DNAJC12: variants seen among roughly 807,000 people sequenced by gnomAD.
DNAJC12 encodes the protein dnaJ homolog subfamily C member 12.
In DNAJC12, 25 loss-of-function variants were observed where a neutral mutation model predicts 28.5. The observed-to-expected ratio is 0.88, with a 90% confidence interval of 0.64 to 1.22. The LOEUF (loss-of-function observed/expected upper bound fraction) is 1.22. Ranked by LOEUF, DNAJC12 falls within the 50% of genes most tolerant of loss-of-function variation. DNAJC12 has a pLI of 0.00. For synonymous variants in DNAJC12, 77 were observed against 80.6 expected, an observed-to-expected ratio of 0.95 and a Z score of 0.24; for missense variants, 222 against 231.7, an observed-to-expected ratio of 0.96 and a Z score of 0.27.
chr10:67,837,259 C>G (rs958671201), intron 1 of DNAJC12, among the ~76,000 whole-genome samples: 2 of 152,002 alleles, frequency 1.3e-5, no homozygotes, highest in Middle Eastern at 3.2e-3. Flanking sequence ...AATATTAATA[C>G]TGTTATCCTT....
At chr10:67,798,829 G>A (rs970381356) in intron 4 of DNAJC12, among the ~76,000 whole-genome samples, 3 of 148,584 alleles carry the variant, frequency 2.0e-5, no homozygotes, top group South Asian at 2.1e-4. Flanking sequence ...GCAATGGCGC[G>A]ATCTCAGCTC....
intron 1 of DNAJC12, chr10:67,825,232 A>T (rs931118119): frequency 6.6e-6 from 1 of 152,224 alleles, no homozygotes; most frequent in African/African-American, 2.4e-5. Context: ...ATCCAAAGTC[A>T]TTCAGCTAGT....
At position 67,797,231 on chromosome 10, in the gene DNAJC12, A is replaced by G. The variant is rs372405423; in HGVS notation, c.503-21T>C. On this transcript the variant is annotated intron_variant, in intron 4 of 4. Transcript: ENST00000225171. ...AAAACCTTTAAAGGAAAGAAAGTAAATATTTAAAATCAGAAGTAGGAAAAG... is the reference window on the plus strand; with the variant it reads ...AAAACCTTTAAAGGAAAGAAAGTAAGTATTTAAAATCAGAAGTAGGAAAAG... The G allele has an allele frequency of 1.0e-5, 16 of 1,601,860 alleles. No individual in the cohort carries two copies. The African/African-American group carries it at 1.9e-4, about 19-fold the overall frequency.
Position 67,821,880 on chromosome 10 carries a change from G to C in DNAJC12, c.157+1434C>G, listed in dbSNP as rs559070507. 4.0e-4 allele frequency among the ~76,000 whole-genome samples: 61 copies of C among 152,272 alleles called. 1 individual carries two copies. Among genetic ancestry groups the C allele is most frequent in the African/African-American group, 1.3e-3 (54 of 41,544 alleles). On this transcript the variant is annotated intron_variant, in intron 2 of 4. Transcript: ENST00000225171. Reference sequence around the variant, plus strand: ...ACATGAGGGAGAGGAAGGAGACAAGGCTTCCATGACACCAACTGAATGGAT... The same window carrying C: ...ACATGAGGGAGAGGAAGGAGACAAGCCTTCCATGACACCAACTGAATGGAT...
chr10:67,809,918 C>T (rs765883985), intron 3 of DNAJC12, among the ~76,000 whole-genome samples: 4 of 151,958 alleles, frequency 2.6e-5, no homozygotes, highest in Non-Finnish European at 4.4e-5. Context: ...GTGATGGGTG[C>T]GCTAAAATTT....
intron 1 of DNAJC12, among the ~76,000 whole-genome samples, chr10:67,835,967 A>G (rs1033763859): frequency 2.0e-5 from 3 of 152,158 alleles, no homozygotes; most frequent in African/African-American, 4.8e-5. Context: ...TCCTCCTTCT[A>G]TGTAGATTGA....
chr10:67,808,169 T>C (rs145048196), intron 3 of DNAJC12, among the ~76,000 whole-genome samples: 50 of 152,318 alleles, frequency 3.3e-4, no homozygotes, highest in Middle Eastern at 6.8e-3. Context: ...TAGTCTATTA[T>C]GCAGCTACTC....
chr10:67,811,314 A>T, intron 3 of DNAJC12: 1 of 1,383,366 alleles, frequency 7.2e-7, no homozygotes, highest in Non-Finnish European at 9.3e-7. Flanking sequence ...AAAGAAATGT[A>T]GTCACAGGCT....
At chr10:67,816,056 G>T in intron 2 of DNAJC12, 1 of 398,442 alleles carries the variant, frequency 2.5e-6, no homozygotes, top group East Asian at 3.6e-5. Context: ...TGGGAAGAGA[G>T]ATCTCATTTT....
At position 67,819,716 on chromosome 10, in the gene DNAJC12, AAGC is replaced by A. The variant is rs1841958358; in HGVS notation, c.157+3595_157+3597del. On this transcript the variant is annotated intron_variant, in intron 2 of 4. Coordinates refer to ENST00000225171, the MANE Select transcript of DNAJC12 (RefSeq NM_021800.3). ...AAAGAAAGGAAGGAAGGAAGGAAGGAAGCAAGGAAGGAAGGAAGGAAGGAAGGA... is the reference window on the plus strand; with the variant it reads ...AAAGAAAGGAAGGAAGGAAGGAAGGAAAGGAAGGAAGGAAGGAAGGAAGGA... Among the ~76,000 whole-genome samples the A allele has an allele frequency of 4.7e-4, 7 of 15,014 alleles. 1 individual carries two copies. The highest frequency in any genetic ancestry group is 1.5e-3 in the African/African-American group (7 of 4,728). The allele number at this position is 15,014 out of a possible 152,430, so 9.8% of individuals were successfully genotyped here. A position where few individuals can be genotyped will look rare whatever the true frequency, so the allele number is the denominator to read the frequency against.
intron 3 of DNAJC12, among the ~76,000 whole-genome samples, chr10:67,806,314 A>G (rs1250682126): frequency 6.6e-6 from 1 of 152,212 alleles, no homozygotes; most frequent in East Asian, 1.9e-4. Flanking sequence ...TAACACCCTA[A>G]AATTATAAAT....
chr10:67,813,833 T>C (rs1841887389), intron 2 of DNAJC12, among the ~76,000 whole-genome samples: 1 of 151,230 alleles, frequency 6.6e-6, no homozygotes, highest in African/African-American at 2.4e-5. Flanking sequence ...CTACACAATA[T>C]TGTCAAAAGA....
chr10:67,801,548 G>A (rs1021897202), intron 4 of DNAJC12, among the ~76,000 whole-genome samples: 2 of 151,996 alleles, frequency 1.3e-5, no homozygotes, highest in Non-Finnish European at 2.9e-5. Flanking sequence ...TTAGCACTTT[G>A]GGAGGCCAAA....
chr10:67,830,452 T>C (rs1842081655), intron 1 of DNAJC12, among the ~76,000 whole-genome samples: 1 of 150,672 alleles, frequency 6.6e-6, no homozygotes, highest in South Asian at 2.1e-4. Flanking sequence ...ACTAAAAATA[T>C]AAAAAATTAG....
intron 2 of DNAJC12, among the ~76,000 whole-genome samples, chr10:67,815,205 G>T (rs570706243): frequency 1.1e-3 from 169 of 152,248 alleles, no homozygotes; most frequent in African/African-American, 3.7e-3. Context: ...ACATGAATGA[G>T]TCTTGAAAAT....
At chr10:67,827,237 A>C (rs1163765850) in intron 1 of DNAJC12, among the ~76,000 whole-genome samples, 2 of 151,452 alleles carry the variant, frequency 1.3e-5, no homozygotes, top group African/African-American at 4.9e-5. Flanking sequence ...AAATACAAAA[A>C]TTAGGTGGGC....
chr10:67,810,060 C>T (rs777723278), intron 3 of DNAJC12, among the ~76,000 whole-genome samples: 1 of 152,148 alleles, frequency 6.6e-6, no homozygotes, highest in Non-Finnish European at 1.5e-5. Context: ...CTCACAGTTC[C>T]TCAGGCTTAA....
In DNAJC12 at chr10:67,838,030, C is replaced by G. The variant is rs1554886177; in HGVS notation, c.-19G>C. On this transcript the variant is annotated 5_prime_UTR_variant, in exon 1 of 5. Coordinates refer to ENST00000225171, the MANE Select transcript of DNAJC12 (RefSeq NM_021800.3). ...CATCCATTTAGATGACTTAATCAGT[C>G]CTTCTTCCCTCGGAAACAAGAGGCA... 11 of 1,551,600 alleles carry G rather than the reference C, an allele frequency of 7.1e-6. No individual in the cohort carries two copies. The East Asian group carries it at 2.5e-4, about 35-fold the overall frequency.
At chr10:67,816,290 G>A (rs1564861935) in intron 2 of DNAJC12, among the ~76,000 whole-genome samples, 1 of 151,930 alleles carries the variant, frequency 6.6e-6, no homozygotes, top group Non-Finnish European at 1.5e-5. Flanking sequence ...TATACCAACT[G>A]TTAATAGTGG....
Sources: allele counts gnomAD v4.1 joint callset (sites outside exome capture counted in the v4.1 genomes callset), GRCh38; gene constraint gnomAD v4.1.1; transcripts MANE v1.5; gene names NCBI Gene and HGNC (gene_info 2026-07-23, HGNC 2026-07-21).